Variants in CEP290 observed in about 807,000 individuals in gnomAD.
CEP290 encodes centrosomal protein 290.
In CEP290, 317 loss-of-function variants were observed where a neutral mutation model predicts 344.9. That is an observed-to-expected ratio of 0.92 (90% CI 0.84 to 1.01). The LOEUF (loss-of-function observed/expected upper bound fraction) is 1.01, where lower values mean the gene tolerates loss of function less well. CEP290 is among the 50% of genes least tolerant of loss of function. CEP290 has a pLI of 0.00. For missense variants in CEP290, 2,754 were observed against 2,761.4 expected (o/e 1.00, Z 0.06); for synonymous variants, 932 against 895.8 (o/e 1.04, Z -0.72).
At chr12:88,106,591 G>A in intron 25 of CEP290, 84 bp downstream of exon 25, 2 of 785,246 alleles carry the variant, frequency 2.5e-6, no homozygotes, top group Middle Eastern at 2.3e-4. Context: ...TAATTCAGGT[G>A]ATGAGCATTA....
Position 88,121,072 on chromosome 12 carries a change from T to C in CEP290, c.1284A>G (p.Glu428=). Reference sequence around the variant, plus strand: ...TTTCCCTAGCATCAGCCTCAGCCAGTTCAGCTGTTCTCTCAGCCTCTTTAG... The same window carrying C: ...TTTCCCTAGCATCAGCCTCAGCCAGCTCAGCTGTTCTCTCAGCCTCTTTAG... ...EKTKEAERTA[E]LAEADAREKD... The change falls in exon 14 of 54, where the codon GAA becomes GAG. Residue 428 remains glutamate (E), a synonymous_variant. Transcript: ENST00000552810. 6.2e-7 allele frequency: 1 copy of C among 1,613,582 alleles called. No homozygotes were observed. The highest frequency in any genetic ancestry group is 1.7e-5 in the Admixed American group (1 of 59,984).
chr12:88,092,094 T>C (rs1436241206), intron 29 of CEP290, among the ~76,000 whole-genome samples: 1 of 152,060 alleles, frequency 6.6e-6, no homozygotes, highest in Non-Finnish European at 1.5e-5. Context: ...CAGTATTTAC[T>C]CCTTATATAT....
intron 22 of CEP290, 68 bp downstream of exon 22, chr12:88,111,134 A>C: frequency 1.1e-6 from 1 of 875,230 alleles, no homozygotes; most frequent in Non-Finnish European, 1.6e-6. Context: ...ACATAAAGAA[A>C]CATACTACCA....
chr12:88,097,623 AC>A (rs1410904139), intron 26 of CEP290, among the ~76,000 whole-genome samples: 1 of 151,338 alleles, frequency 6.6e-6, no homozygotes, highest in Non-Finnish European at 1.5e-5. Flanking sequence ...ACACACACAC[AC>A]ACACACACAC....
At chr12:88,053,794 C>A in intron 51 of CEP290, 48 bp from the exon 52 acceptor site, 1 of 953,808 alleles carries the variant, frequency 1.0e-6, no homozygotes, top group Middle Eastern at 2.8e-4. Context: ...GATATTGCTT[C>A]ATAAAATATA....
rs2036824785 is a variant in CEP290 at position 88,089,214 on chromosome 12, G to A, written c.3847C>T (p.Gln1283Ter). The A allele has an allele frequency of 1.2e-6, 2 of 1,613,392 alleles. No homozygotes were observed. The highest frequency in any genetic ancestry group is 2.2e-5 in the East Asian group (1 of 44,870). ...ATCATTGTTTTGGAGAACTTTTCCT[G>A]TTGTGCCAAGGGTAAAGCTCCACTA... ...QFSGALPLAQ[Q>*]EKFSKTMIQL... Residue 1283 changes from glutamine to a stop codon, truncating the protein, a stop_gained, in exon 31 of 54, where the codon CAG becomes TAG. Transcript: ENST00000552810. LOFTEE classifies it high-confidence loss of function.
chr12:88,060,864 A>T lies in CEP290; in HGVS notation c.6488T>A (p.Met2163Lys). ...TTCATTTTCCTGCTCAATATTAGCC[A>T]TTTTTTCACTAGTCAATATTCCTGA... The part of the protein sequence containing the change: ...KASGILTSEK[M>K]ANIEQENEKL... Residue 2163 changes from methionine (M) to lysine (K), a missense_variant, in exon 47 of 54, where the codon ATG becomes AAG. Met to Lys is a moderately conservative substitution (Grantham distance 95, BLOSUM62 -1). Coordinates refer to ENST00000552810, the MANE Select transcript of CEP290 (RefSeq NM_025114.4). The T allele has an allele frequency of 6.5e-7, 1 of 1,541,238 alleles. No individual in the cohort carries two copies. Among genetic ancestry groups the T allele is most frequent in the Non-Finnish European group, 8.7e-7 (1 of 1,144,446 alleles).
chr12:88,131,269 T>G (rs2138116828), intron 6 of CEP290, 51 bp from the exon 7 acceptor site: 2 of 1,283,740 alleles, frequency 1.6e-6, no homozygotes, highest in South Asian at 1.6e-5. Context: ...AATTCAGCAG[T>G]AATTTTTTTT....
At chr12:88,110,112 A>G (rs1020179914) in intron 22 of CEP290, among the ~76,000 whole-genome samples, 5 of 152,158 alleles carry the variant, frequency 3.3e-5, no homozygotes, top group African/African-American at 1.2e-4. Context: ...ACTCAAGTAT[A>G]CTCACAAATG....
intron 46 of CEP290, 29 bp from the exon 47 acceptor site, chr12:88,061,023 C>T: frequency 6.8e-7 from 1 of 1,478,860 alleles, no homozygotes. Context: ...AATCTTTAAT[C>T]AAATATTTTA....
intron 43 of CEP290, among the ~76,000 whole-genome samples, chr12:88,069,235 T>C (rs1047237455): frequency 3.9e-5 from 6 of 152,312 alleles, no homozygotes; most frequent in Middle Eastern, 3.4e-3. Context: ...TTATCTCTGC[T>C]AGGGTTCTCC....
Position 88,086,086 on chromosome 12 carries a change from T to A in CEP290, c.4390A>T (p.Ile1464Phe). ...GCCCGTGTTTCTAGAATTATTCGAA[T>A]GTTCTCCTTAATTTTCCTTAGAGCG... is the stretch of plus-strand genomic sequence containing the variant. ...EIALRKIKEN[I>F]RIILETRATC... Residue 1464 changes from isoleucine (I) to phenylalanine (F), a missense_variant, in exon 34 of 54, where the codon ATT (isoleucine) becomes TTT (phenylalanine). Transcript: ENST00000552810. 6.2e-7 allele frequency: 1 copy of A among 1,613,194 alleles called. No individual in the cohort carries two copies. Among genetic ancestry groups the A allele is most frequent in the Non-Finnish European group, 8.5e-7 (1 of 1,179,578 alleles).
chr12:88,064,813 T>A (rs369275589), intron 44 of CEP290, among the ~76,000 whole-genome samples: 10 of 152,214 alleles, frequency 6.6e-5, no homozygotes, highest in African/African-American at 2.2e-4. Flanking sequence ...ACTAAGACCA[T>A]AAATTTCTAT....
chr12:88,057,686 C>A (rs1482863295), intron 49 of CEP290, among the ~76,000 whole-genome samples: 1 of 152,112 alleles, frequency 6.6e-6, no homozygotes, highest in Non-Finnish European at 1.5e-5. Flanking sequence ...GAACCAAGGC[C>A]TCCTCCAGGA....
At chr12:88,060,614 A>C (rs766373043) in intron 47 of CEP290, among the ~76,000 whole-genome samples, 63 of 152,144 alleles carry the variant, frequency 4.1e-4, no homozygotes, top group Admixed American at 9.8e-4. Context: ...CAGAGAGAAA[A>C]GTGAAAAGTA....
chr12:88,055,247 G>C (rs977051577), intron 50 of CEP290, among the ~76,000 whole-genome samples: 5 of 152,124 alleles, frequency 3.3e-5, no homozygotes, highest in African/African-American at 1.2e-4. Context: ...TGAGATACCA[G>C]CTTGGAAATT....
chr12:88,134,920 C>T (rs956350868), intron 6 of CEP290, among the ~76,000 whole-genome samples: 13 of 152,092 alleles, frequency 8.5e-5, no homozygotes, highest in African/African-American at 3.1e-4. Context: ...CATATATATC[C>T]TCATTCCTCT....
At position 88,117,069 on chromosome 12, in the gene CEP290, T is replaced by C. The variant is rs1223585284; in HGVS notation, c.1788A>G (p.Leu596=). ...CTTCACTCATATTTTTGAGGCTCAATAAATCCAATTTTCTTTCACTTATTC... is the reference window on the plus strand; with the variant it reads ...CTTCACTCATATTTTTGAGGCTCAACAAATCCAATTTTCTTTCACTTATTC... ...GDRISERKLD[L]LSLKNMSEAQ... Residue 596 remains leucine, a synonymous_variant, in exon 18 of 54, where the codon TTA becomes TTG. Transcript: ENST00000552810. The C allele has an allele frequency of 2.6e-6, 4 of 1,557,004 alleles. No homozygotes were observed. The highest frequency in any genetic ancestry group is 2.4e-5 in the South Asian group (2 of 84,884).
intron 34 of CEP290, 84 bp from the exon 35 acceptor site, chr12:88,084,936 C>A (rs2036468024): frequency 2.6e-6 from 3 of 1,133,802 alleles, no homozygotes; most frequent in Admixed American, 6.3e-5. Context: ...TAGTTATTAG[C>A]CAAAAAAAAT....
Sources: gnomAD v4.1 joint callset for allele counts (sites outside exome capture counted in the v4.1 genomes callset) on GRCh38, gnomAD v4.1.1 for gene constraint, MANE v1.5 for transcripts, NCBI Gene and HGNC (gene_info 2026-07-23, HGNC 2026-07-21) for gene names.